L3HYPDH: variants seen among roughly 807,000 people sequenced by gnomAD.
L3HYPDH encodes the protein trans-3-hydroxy-L-proline dehydratase.
Under a neutral mutation model 26.5 loss-of-function variants are expected in L3HYPDH, and 32 were observed. That is an observed-to-expected ratio of 1.21 (90% CI 0.91 to 1.62). The LOEUF is 1.62. Ranked by LOEUF, L3HYPDH falls within the 40% of genes most tolerant of loss-of-function variation. The pLI, the probability that L3HYPDH is intolerant of heterozygous loss-of-function variation, is 0.00. For missense variants in L3HYPDH, 554 were observed against 476.4 expected (o/e 1.16, Z -1.52); for synonymous variants, 215 against 196.6 (o/e 1.09, Z -0.78).
At chr14:59,482,501 T>TGAA (rs1288633729) in intron 1 of L3HYPDH, among the ~76,000 whole-genome samples, 2 of 152,218 alleles carry the variant, frequency 1.3e-5, no homozygotes, top group East Asian at 3.8e-4. Flanking sequence ...AGAGTGTTTC[T>TGAA]ACTCTGCTGC....
At chr14:59,474,316 G>A in intron 4 of L3HYPDH, 2 of 542,006 alleles carry the variant, frequency 3.7e-6, no homozygotes, top group Non-Finnish European at 6.5e-6. Flanking sequence ...AGTAGGCAAA[G>A]AGCCAGAAAA....
intron 1 of L3HYPDH, chr14:59,483,437 C>G (rs1890205671): frequency 9.7e-7 from 1 of 1,034,078 alleles, no homozygotes; most frequent in South Asian, 2.8e-5. Flanking sequence ...CTCAGCCAGC[C>G]TGGAACCCTG....
the L3HYPDH span, among the ~76,000 whole-genome samples, chr14:59,498,558 G>T: frequency 3.3e-5 from 5 of 152,268 alleles, no homozygotes; most frequent in African/African-American, 1.2e-4. Context: ...ACCCTTGCTA[G>T]CCGTGTATGA....
upstream of L3HYPDH, chr14:59,484,491 C>T (rs1025507914): frequency 2.1e-5 from 31 of 1,477,856 alleles, no homozygotes; most frequent in Non-Finnish European, 2.8e-5. Flanking sequence ...CCCGGGTTAC[C>T]GGGAGGCGGA....
chr14:59,468,142 A>G (rs1430833771), downstream of L3HYPDH, among the ~76,000 whole-genome samples: 2 of 152,364 alleles, frequency 1.3e-5, no homozygotes, highest in South Asian at 2.1e-4. Flanking sequence ...AGTCCCAGGT[A>G]CTTAGGAAGC....
At chr14:59,480,116 G>T (rs1429991383) in intron 1 of L3HYPDH, among the ~76,000 whole-genome samples, 1 of 152,162 alleles carries the variant, frequency 6.6e-6, no homozygotes, top group African/African-American at 2.4e-5. Flanking sequence ...GCCTTTTAGG[G>T]AAGCCTATGG....
downstream of L3HYPDH, among the ~76,000 whole-genome samples, chr14:59,472,352 C>G (rs991644786): frequency 6.6e-6 from 1 of 152,170 alleles, no homozygotes; most frequent in African/African-American, 2.4e-5. Context: ...TAGCAAAAGT[C>G]TGATTACTAG....
At chr14:59,488,420 G>C (rs532873512), upstream of L3HYPDH, among the ~76,000 whole-genome samples, 53 of 152,052 alleles carry the variant, frequency 3.5e-4, no homozygotes, top group Non-Finnish European at 6.8e-4. Context: ...GAGTTACAAA[G>C]AACAGAGAGA....
downstream of L3HYPDH, among the ~76,000 whole-genome samples, chr14:59,468,503 TGG>T (rs1484705590): frequency 2.0e-5 from 3 of 152,194 alleles, no homozygotes; most frequent in Non-Finnish European, 4.4e-5. Flanking sequence ...GGTTAGTCCA[TGG>T]GGGAAGCCTC....
At chr14:59,474,783 G>A (rs918220257) in intron 4 of L3HYPDH, 13 of 358,474 alleles carry the variant, frequency 3.6e-5, no homozygotes, top group Non-Finnish European at 5.5e-5. Flanking sequence ...TGCTTAGCTT[G>A]GAAACTGATG....
downstream of L3HYPDH, among the ~76,000 whole-genome samples, chr14:59,471,976 CTAA>C (rs994353711): frequency 2.0e-5 from 3 of 152,036 alleles, no homozygotes; most frequent in African/African-American, 4.8e-5. Flanking sequence ...AATCACAGAC[CTAA>C]TAATAAGGCC....
upstream of L3HYPDH, chr14:59,484,662 C>T (rs902028280): frequency 7.2e-6 from 11 of 1,536,212 alleles, no homozygotes; most frequent in Non-Finnish European, 9.7e-6. Context: ...CGGCTGGCCT[C>T]GGGCTCGGCT....
At chr14:59,499,055 C>T in the L3HYPDH span, 2 of 472,336 alleles carry the variant, frequency 4.2e-6, no homozygotes, top group African/African-American at 5.7e-5. Context: ...GATGGAATCT[C>T]ACTCTATCAC....
At chr14:59,479,452 G>T in intron 1 of L3HYPDH, 101 bp from the exon 2 acceptor site, 1 of 1,065,064 alleles carries the variant, frequency 9.4e-7, no homozygotes, top group Non-Finnish European at 1.4e-6. Context: ...CAAGAGGGAT[G>T]TTCTTTTCCT....
chr14:59,494,743 TTAAAA>T, the L3HYPDH span, among the ~76,000 whole-genome samples: 1 of 152,186 alleles, frequency 6.6e-6, no homozygotes, highest in Non-Finnish European at 1.5e-5. Flanking sequence ...CATATTAAGA[TTAAAA>T]TGATACACAG....
At chr14:59,470,208 C>T (rs1566556300), downstream of L3HYPDH, among the ~76,000 whole-genome samples, 1 of 152,110 alleles carries the variant, frequency 6.6e-6, no homozygotes, top group Non-Finnish European at 1.5e-5. Flanking sequence ...GCCAGGATTA[C>T]CCAAACAGGT....
chr14:59,482,121 C>T (rs1338661551), intron 1 of L3HYPDH, among the ~76,000 whole-genome samples: 1 of 152,032 alleles, frequency 6.6e-6, no homozygotes, highest in African/African-American at 2.4e-5. Flanking sequence ...GCATTTTAGC[C>T]TGGTGGGGTG....
chr14:59,479,809 A>C (rs1400343507), intron 1 of L3HYPDH, among the ~76,000 whole-genome samples: 2 of 152,370 alleles, frequency 1.3e-5, no homozygotes, highest in Non-Finnish European at 2.9e-5. Context: ...ATAAATTTTA[A>C]TAAAAGATTT....
upstream of L3HYPDH, chr14:59,484,460 G>T: frequency 7.2e-7 from 1 of 1,388,236 alleles, no homozygotes. Flanking sequence ...CGGAAGCGAG[G>T]GAGGAACTTC....
Sources: allele counts gnomAD v4.1 joint callset (sites outside exome capture counted in the v4.1 genomes callset), GRCh38; gene constraint gnomAD v4.1.1; transcripts MANE v1.5; gene names NCBI Gene and HGNC (gene_info 2026-07-23, HGNC 2026-07-21).